DDO: variants seen among roughly 807,000 people sequenced by gnomAD.
DDO encodes the protein D-aspartate oxidase, DDO.
DDO carries 16 observed loss-of-function variants against 16.8 expected under a neutral mutation model. The observed-to-expected ratio is 0.95, with a 90% CI of 0.65 to 1.45. The LOEUF (loss-of-function observed/expected upper bound fraction) is 1.45. Among genes scored for constraint, DDO ranks in the 40% most tolerant of loss-of-function variants. The pLI is 0.00. For missense variants in DDO, 429 were observed against 420.3 expected, an observed-to-expected ratio of 1.02 and a Z score of -0.18; for synonymous variants, 180 against 167.2, an observed-to-expected ratio of 1.08 and a Z score of -0.59.
chr6:110,396,044 A>T, intron 4 of DDO, among the ~76,000 whole-genome samples: 1 of 152,270 alleles, frequency 6.6e-6, no homozygotes, highest in Admixed American at 6.5e-5. Flanking sequence ...AGAAAGAAAG[A>T]GAGAAAGAGA....
At chr6:110,395,835 A>T (rs1166917846) in intron 4 of DDO, among the ~76,000 whole-genome samples, 1 of 152,130 alleles carries the variant, frequency 6.6e-6, no homozygotes, top group Admixed American at 6.5e-5. Context: ...TTGTGTTAAG[A>T]TCAGCAGAAA....
intron 3 of DDO, among the ~76,000 whole-genome samples, chr6:110,407,266 T>C (rs1734772433): frequency 6.6e-6 from 1 of 152,100 alleles, no homozygotes; most frequent in Admixed American, 6.5e-5. Flanking sequence ...TGACCGTAAA[T>C]CAAAGAAAAT....
chr6:110,397,006 A>T (rs1014089730), intron 4 of DDO, among the ~76,000 whole-genome samples: 1 of 152,218 alleles, frequency 6.6e-6, no homozygotes, highest in Admixed American at 6.5e-5. Flanking sequence ...GAAGAAAAGA[A>T]CTTTAAAAAG....
chr6:110,390,364 C>G (rs573585683), downstream of DDO, among the ~76,000 whole-genome samples: 1 of 152,326 alleles, frequency 6.6e-6, no homozygotes, highest in African/African-American at 2.4e-5. Flanking sequence ...TGGGCATCAA[C>G]ATTGTTTAAA....
chr6:110,391,776 T>A (rs1773107270), downstream of DDO: 1 of 152,242 alleles, frequency 6.6e-6, no homozygotes, highest in Admixed American at 6.5e-5. Context: ...AAAAACAGGT[T>A]AAATTCATTT....
chr6:110,404,706 T>C (rs1171887394), intron 4 of DDO, 68 bp downstream of exon 4: 2 of 1,543,490 alleles, frequency 1.3e-6, no homozygotes, highest in Non-Finnish European at 1.8e-6. Context: ...GTATGTATTT[T>C]ATGAATAGCT....
At chr6:110,408,633 T>G (rs1773742863) in intron 2 of DDO, among the ~76,000 whole-genome samples, 191 bp from the exon 3 acceptor site, 1 of 152,242 alleles carries the variant, frequency 6.6e-6, no homozygotes, top group Admixed American at 6.5e-5. Context: ...GAGATTTGCA[T>G]GTTGACACAT....
intron 4 of DDO, among the ~76,000 whole-genome samples, chr6:110,402,344 C>T (rs888390641): frequency 2.0e-5 from 3 of 151,822 alleles, no homozygotes; most frequent in African/African-American, 7.3e-5. Flanking sequence ...AAGAGGATAC[C>T]CTTGTTCTGA....
In DDO at chr6:110,393,100, C is replaced by A; in HGVS notation, c.701G>T (p.Gly234Val). ...IYPGTSHVTL[G>V]GTRQKGDWNL... ...CCAGTCCCCTTTTTGCCTAGTTCCA[C>A]CTAGGGTTACATGGGATGTACCAGG... The change falls in exon 5 of 5, where the codon GGT becomes GTT. Residue 234 changes from glycine to valine, a missense_variant. Coordinates refer to ENST00000368924, the MANE Select transcript of DDO (RefSeq NM_001372108.2). The A allele has an allele frequency of 1.5e-5, 24 of 1,613,888 alleles. No homozygotes were observed. Among genetic ancestry groups the A allele is most frequent in the Non-Finnish European group, 1.9e-5 (23 of 1,179,748 alleles).
At chr6:110,393,696 CTTAT>C (rs1773193486) in intron 4 of DDO, among the ~76,000 whole-genome samples, 1 of 152,148 alleles carries the variant, frequency 6.6e-6, no homozygotes, top group African/African-American at 2.4e-5. Context: ...ATTTATACCA[CTTAT>C]TTAACACCTA....
intron 3 of DDO, among the ~76,000 whole-genome samples, chr6:110,406,496 G>A (rs9400383): frequency 0.89 from 135,363 of 152,264 alleles, 60,224 homozygotes; most frequent in East Asian, 0.96. Context: ...TGTTTCTACA[G>A]TCCACACCCA....
At chr6:110,397,783 G>A (rs1483436208) in intron 4 of DDO, among the ~76,000 whole-genome samples, 2 of 152,152 alleles carry the variant, frequency 1.3e-5, no homozygotes, top group Non-Finnish European at 2.9e-5. Flanking sequence ...GGATCCCAGA[G>A]GAAAACTCAC....
At chr6:110,412,103 G>T (rs995953076) in intron 2 of DDO, among the ~76,000 whole-genome samples, 7 of 152,014 alleles carry the variant, frequency 4.6e-5, no homozygotes, top group Non-Finnish European at 1.0e-4. Flanking sequence ...AAAATTAGCC[G>T]GGCGTGGTGG....
intron 3 of DDO, 108 bp downstream of exon 3, chr6:110,408,224 TAA>T: frequency 2.1e-6 from 2 of 974,786 alleles, no homozygotes; most frequent in Non-Finnish European, 1.5e-6. Flanking sequence ...CTCCTGCATC[TAA>T]GTCAGCACTC....
intron 4 of DDO, among the ~76,000 whole-genome samples, chr6:110,393,807 TC>T (rs1773197477): frequency 6.6e-6 from 1 of 152,188 alleles, no homozygotes; most frequent in South Asian, 2.1e-4. Context: ...AGGGGTCATA[TC>T]CCCACCAGCT....
At chr6:110,397,319 G>GTTTC (rs1332693493) in intron 4 of DDO, among the ~76,000 whole-genome samples, 1 of 152,074 alleles carries the variant, frequency 6.6e-6, no homozygotes, top group Admixed American at 6.5e-5. Flanking sequence ...TATCACTTAT[G>GTTTC]TTTCATTAAG....
chr6:110,393,387 T>A (rs1350924284), intron 4 of DDO, 45 bp from the exon 5 acceptor site: 3 of 1,507,158 alleles, frequency 2.0e-6, no homozygotes, highest in Non-Finnish European at 2.6e-6. Flanking sequence ...AGCGACCTGA[T>A]CAACTACTTC....
chr6:110,401,107 G>A (rs1356826989), intron 4 of DDO, among the ~76,000 whole-genome samples: 1 of 152,238 alleles, frequency 6.6e-6, no homozygotes, highest in African/African-American at 2.4e-5. Context: ...GATAGAGCGA[G>A]GGTGCTTCCC....
intron 3 of DDO, among the ~76,000 whole-genome samples, chr6:110,406,166 T>A (rs1773648886): frequency 6.6e-6 from 1 of 152,064 alleles, no homozygotes; most frequent in Non-Finnish European, 1.5e-5. Context: ...CCTGAGCACT[T>A]AGAAGGTTAT....
Sources: gnomAD v4.1 joint callset for allele counts (sites outside exome capture counted in the v4.1 genomes callset) on GRCh38, gnomAD v4.1.1 for gene constraint, MANE v1.5 for transcripts, NCBI Gene and HGNC (gene_info 2026-07-23, HGNC 2026-07-21) for gene names.